Variants in GON4L observed in about 807,000 individuals in gnomAD.
GON4L encodes gon-4 like.
GON4L carries 87 observed loss-of-function variants against 211.8 expected under a neutral mutation model. That is an observed-to-expected ratio of 0.41 (90% CI 0.35 to 0.49). The LOEUF is 0.49. Among genes scored for constraint, GON4L ranks in the 20% least tolerant of loss-of-function variants. The pLI is 0.15. For synonymous variants in GON4L, 875 were observed against 962.6 expected (o/e 0.91, Z 1.68); for missense variants, 2,155 against 2,659.5 (o/e 0.81, Z 4.17).
At chr1:155,795,992 T>C (rs1666031417) in intron 11 of GON4L, among the ~76,000 whole-genome samples, 1 of 152,126 alleles carries the variant, frequency 6.6e-6, no homozygotes, top group African/African-American at 2.4e-5. Context: ...ATAATACATA[T>C]ATTCTAATAT....
chr1:155,852,438 G>A (rs1036006739), intron 2 of GON4L, among the ~76,000 whole-genome samples: 1 of 152,084 alleles, frequency 6.6e-6, no homozygotes, highest in African/African-American at 2.4e-5. Flanking sequence ...AAGGATGAGA[G>A]AATGGAATGA....
chr1:155,827,875 G>A (rs146273913), intron 2 of GON4L, among the ~76,000 whole-genome samples: 1,761 of 152,198 alleles, frequency 0.012, 105 homozygotes, highest in Admixed American at 0.086. Flanking sequence ...TAGGCCAGGT[G>A]GCTCACACCT....
Position 155,763,343 on chromosome 1 carries a change from A to G in GON4L, c.4695T>C (p.Ala1565=), listed in dbSNP as rs373018393. 6.2e-7 allele frequency: 1 copy of G among 1,613,718 alleles called. No individual in the cohort carries two copies. Among genetic ancestry groups the G allele is most frequent in the African/African-American group, 1.3e-5 (1 of 74,900 alleles). Residue 1565 remains alanine (A), a synonymous_variant, in exon 22 of 32, where the codon GCT becomes GCC. Coordinates refer to ENST00000368331, the MANE Select transcript of GON4L (RefSeq NM_001282860.2). The stretch of plus-strand genomic sequence containing the variant: ...GAGTTCTGCTGGTCTCCACTTCTGG[A>G]GCAGTCTCAGGTGAAGCAAAAGTAG... The part of the protein sequence containing the change: ...KPPTFASPET[A]PEVETSRTPP...
downstream of GON4L, among the ~76,000 whole-genome samples, chr1:155,749,073 G>A (rs1281447407): frequency 1.3e-5 from 2 of 152,178 alleles, no homozygotes; most frequent in South Asian, 4.1e-4. Context: ...GACCAACATG[G>A]TGAACCCCAT....
chr1:155,856,268 C>G (rs1206059683), intron 1 of GON4L, among the ~76,000 whole-genome samples: 1 of 152,116 alleles, frequency 6.6e-6, no homozygotes, highest in Non-Finnish European at 1.5e-5. Flanking sequence ...CGCTCTGTTG[C>G]CCAGACCGGA....
intron 10 of GON4L, among the ~76,000 whole-genome samples, chr1:155,811,852 A>T (rs569909464): frequency 1.2e-3 from 187 of 151,234 alleles, no homozygotes; most frequent in Admixed American, 3.3e-3. Flanking sequence ...GGAGATCAAG[A>T]TCATCCTGGC....
chr1:155,847,882 T>C (rs913690711), intron 2 of GON4L, among the ~76,000 whole-genome samples: 9 of 151,676 alleles, frequency 5.9e-5, no homozygotes, highest in African/African-American at 1.2e-4. Flanking sequence ...TCAAAATAAA[T>C]AAACAATAAA....
chr1:155,822,404 C>T lies in GON4L; in HGVS notation c.770G>A (p.Arg257Lys). 4 of 1,613,590 alleles carry T rather than the reference C, an allele frequency of 2.5e-6. No homozygotes were observed. The highest frequency in any genetic ancestry group is 3.4e-6 in the Non-Finnish European group (4 of 1,179,534). Residue 257 changes from arginine to lysine, a missense_variant, in exon 4 of 32, where the codon AGG (arginine) becomes AAG (lysine). Arg to Lys is a conservative substitution (Grantham distance 26). This residue lies in a region of GON4L where 551 missense variants were observed against 854.0 expected (regional missense o/e 0.65). Coordinates refer to ENST00000368331, the MANE Select transcript of GON4L (RefSeq NM_001282860.2). ...KKGTKRKRDG[R>K]GQEGTLAYDL... The stretch of plus-strand genomic sequence containing the variant: ...ATATGCCAAGGTCCCTTCTTGACCC[C>T]TTCCATCTCGTTTCCTCTTGGTACC...
At chr1:155,754,142 C>G (rs1298561776) in intron 28 of GON4L, 6 of 567,958 alleles carry the variant, frequency 1.1e-5, no homozygotes, top group Non-Finnish European at 1.9e-5. Context: ...AATATTTTAA[C>G]TGGTATTTTG....
At chr1:155,800,138 G>C (rs916631515) in intron 11 of GON4L, among the ~76,000 whole-genome samples, 34 of 151,996 alleles carry the variant, frequency 2.2e-4, no homozygotes, top group African/African-American at 7.0e-4. Flanking sequence ...GGCAGAGGTT[G>C]CGGTGAGCTG....
intron 2 of GON4L, among the ~76,000 whole-genome samples, chr1:155,830,117 A>G (rs949756070): frequency 6.6e-6 from 1 of 151,610 alleles, no homozygotes; most frequent in African/African-American, 2.4e-5. Context: ...CGCCCAGCTA[A>G]TTTTTTATTT....
chr1:155,826,790 C>G, intron 3 of GON4L, 47 bp downstream of exon 3: 1 of 1,259,026 alleles, frequency 7.9e-7, no homozygotes, highest in Non-Finnish European at 1.2e-6. Flanking sequence ...ACATATTATA[C>G]TTCAATAAAG....
At position 155,772,956 on chromosome 1, in the gene GON4L, T is replaced by C. The variant is rs1663359064; in HGVS notation, c.2495+110A>G. 3.5e-6 allele frequency: 5 copies of C among 1,417,866 alleles called. No individual in the cohort carries two copies. The East Asian group carries it at 1.1e-4, about 32-fold the overall frequency. The allele number at this position is 1,417,866 out of a possible 1,614,324, so 87.8% of individuals were successfully genotyped here. A position where few individuals can be genotyped will look rare whatever the true frequency, so the allele number is the denominator to read the frequency against. On this transcript the variant is annotated intron_variant, in intron 18 of 31. Transcript: ENST00000368331. Reference sequence around the variant, plus strand: ...TCTATATTGCTTTTCCTTTTGTCTTTTGTGTCCGTGTCTTATTATACAAGT... The same window carrying C: ...TCTATATTGCTTTTCCTTTTGTCTTCTGTGTCCGTGTCTTATTATACAAGT...
At chr1:155,858,183 C>T (rs1006610024), upstream of GON4L, among the ~76,000 whole-genome samples, 2 of 151,888 alleles carry the variant, frequency 1.3e-5, no homozygotes, top group African/African-American at 4.8e-5. Context: ...TTTGAATGAG[C>T]GAATGAATGA....
upstream of GON4L, among the ~76,000 whole-genome samples, chr1:155,857,644 G>A (rs1424145640): frequency 6.6e-6 from 1 of 152,106 alleles, no homozygotes; most frequent in Non-Finnish European, 1.5e-5. Context: ...CAGGAGAATC[G>A]CTTGAACCCG....
rs747278318 is a variant in GON4L at position 155,806,154 on chromosome 1, A to AT, written c.1453-1014dup. On this transcript the variant is annotated intron_variant, in intron 10 of 31. Transcript: ENST00000368331. ...CGGCATGCTCTACCATGCTCGGCTA[A>AT]TTTTTTTTTTTTTTTTTAGATGGAG... Among the ~76,000 whole-genome samples the AT allele has an allele frequency of 2.6e-3, 368 of 138,922 alleles. 1 individual carries two copies. The highest frequency in any genetic ancestry group is 7.7e-3 in the Middle Eastern group (2 of 260). 91.1% of individuals were successfully genotyped at this position (138,922 alleles called of 152,430 possible).
downstream of GON4L, chr1:155,747,744 T>C (rs1457770588): frequency 6.2e-7 from 1 of 1,613,732 alleles, no homozygotes; most frequent in African/African-American, 1.3e-5. Flanking sequence ...CTATCTTTCG[T>C]CACTCACCCC....
chr1:155,845,902 C>A, intron 2 of GON4L: 1 of 229,754 alleles, frequency 4.4e-6, no homozygotes, highest in South Asian at 7.0e-5. Flanking sequence ...TACAAGACAT[C>A]AAAGACACTA....
upstream of GON4L, chr1:155,857,396 T>C (rs191092190): frequency 2.1e-4 from 32 of 152,412 alleles, 1 homozygote; most frequent in East Asian, 6.0e-3. Flanking sequence ...GGAGTTATCC[T>C]ACTCAAAACT....
Sources: gnomAD v4.1 joint callset for allele counts (sites outside exome capture counted in the v4.1 genomes callset) on GRCh38, gnomAD v4.1.1 for gene constraint, gnomAD v4.1.1 regional missense constraint, MANE v1.5 for transcripts, NCBI Gene and HGNC (gene_info 2026-07-23, HGNC 2026-07-21) for gene names.